Variants in CARD16 observed in about 807,000 individuals in gnomAD.
The protein encoded by CARD16 is caspase recruitment domain family member 16.
In CARD16, 8 loss-of-function variants were observed where a neutral mutation model predicts 11.9. The ratio of observed to expected loss-of-function variants is 0.67; its 90% CI spans 0.39 to 1.21. CARD16 has a LOEUF of 1.21. CARD16 is among the 50% of genes most tolerant of loss of function. The pLI is 0.01. For missense variants in CARD16, 131 were observed against 118.1 expected (o/e 1.11, Z -0.51); for synonymous variants, 44 against 43.8 (o/e 1.00, Z -0.02).
Position 105,041,711 on chromosome 11 carries a change from C to T in CARD16, c.*52G>A. 1 of 1,613,638 alleles carries T rather than the reference C, an allele frequency of 6.2e-7. No homozygotes were observed. The highest frequency in any genetic ancestry group is 8.5e-7 in the Non-Finnish European group (1 of 1,179,778). ...GGCATAGCTGGGTTGTCCTGCACTG[C>T]CTGAAGAGCTGCAAGAGACAAGGAA... On this transcript the variant is annotated 3_prime_UTR_variant, in exon 4 of 4. Coordinates refer to ENST00000673097, the MANE Select transcript of CARD16 (RefSeq NM_052889.4).
At chr11:105,041,837 A>G in intron 3 of CARD16, 118 bp from the exon 4 acceptor site, 1 of 957,900 alleles carries the variant, frequency 1.0e-6, no homozygotes, top group Non-Finnish European at 1.5e-6. Context: ...TAATCTAGTC[A>G]TTAACATAGT....
Position 105,044,609 on chromosome 11 carries a change from T to G in CARD16, c.57A>C (p.Glu19Asp), listed in dbSNP as rs771129452. The change falls in exon 2 of 4, where the codon GAA becomes GAC. Residue 19 changes from glutamate to aspartate, a missense_variant. Coordinates refer to ENST00000673097, the MANE Select transcript of CARD16 (RefSeq NM_052889.4). ...CATCCAGTAAGCCATTTATTGTACC[T>G]TCACCCATGGAATGGATAAACAGCT... The part of the protein sequence containing the change: ...KRKLFIHSMG[E>D]GTINGLLDEL... 6.2e-7 allele frequency: 1 copy of G among 1,614,092 alleles called. No individual in the cohort carries two copies. The highest frequency in any genetic ancestry group is 1.1e-5 in the South Asian group (1 of 91,084).
chr11:105,043,309 G>A (rs914822122), intron 3 of CARD16, among the ~76,000 whole-genome samples, 174 bp downstream of exon 3: 2 of 152,044 alleles, frequency 1.3e-5, no homozygotes, highest in Non-Finnish European at 2.9e-5. Flanking sequence ...GTATAAATAA[G>A]AGTAGTAAAG....
chr11:105,043,677 G>T, intron 2 of CARD16, 132 bp from the exon 3 acceptor site: 1 of 695,228 alleles, frequency 1.4e-6, no homozygotes, highest in African/African-American at 1.8e-5. Flanking sequence ...ATGTTCAAGT[G>T]CACCAAAACT....
chr11:105,043,399 C>A, intron 3 of CARD16, 84 bp downstream of exon 3: 1 of 900,118 alleles, frequency 1.1e-6, no homozygotes, highest in South Asian at 1.5e-5. Flanking sequence ...TCTCCATAGC[C>A]CCTTCAAGCA....
At chr11:105,045,195 A>G (rs970951036) in intron 1 of CARD16, 96 bp downstream of exon 1, 4 of 1,567,980 alleles carry the variant, frequency 2.6e-6, no homozygotes, top group African/African-American at 2.7e-5. Flanking sequence ...GCTCACCTAA[A>G]CTTCCACAGA....
intron 2 of CARD16, chr11:105,044,134 G>T: frequency 6.9e-6 from 4 of 578,238 alleles, no homozygotes; most frequent in Non-Finnish European, 1.2e-5. Flanking sequence ...AAGCTTTCTA[G>T]ATAGTTCTCA....
intron 2 of CARD16, 104 bp downstream of exon 2, chr11:105,044,288 A>C: frequency 1.3e-6 from 2 of 1,562,586 alleles, no homozygotes; most frequent in South Asian, 2.4e-5. Flanking sequence ...CCAAAGGCAG[A>C]GATAAGAAGA....
At position 105,041,635 on chromosome 11, in the gene CARD16, G is replaced by T. The variant is rs1428467708; in HGVS notation, c.*128C>A. 6.2e-7 allele frequency: 1 copy of T among 1,614,004 alleles called. No individual in the cohort carries two copies. The highest frequency in any genetic ancestry group is 1.7e-5 in the Admixed American group (1 of 59,986). Reference sequence around the variant, plus strand: ...CAACTTTTGTTTCCATATCCTTTGAGCGTCTTCTAGAAAGCAAAGCTTGAT... The same window carrying T: ...CAACTTTTGTTTCCATATCCTTTGATCGTCTTCTAGAAAGCAAAGCTTGAT... On this transcript the variant is annotated 3_prime_UTR_variant, in exon 4 of 4. Transcript: ENST00000673097.
rs1436981422 is a variant in CARD16, at chr11:105,043,486, G to C, written c.*40C>G. The C allele has an allele frequency of 1.9e-6, 3 of 1,603,262 alleles. No homozygotes were observed. The African/African-American group carries it at 4.0e-5, about 22-fold the overall frequency. The stretch of plus-strand genomic sequence containing the variant: ...CTTCATTGAAAAACAACATTACCTG[G>C]GAAGGAAGAAAATAGTAATTGGGAG... On this transcript the variant is annotated 3_prime_UTR_variant, in exon 3 of 4. Coordinates refer to ENST00000673097, the MANE Select transcript of CARD16 (RefSeq NM_052889.4).
In CARD16 at chr11:105,044,412, T is replaced by C. The variant is rs1126876; in HGVS notation, c.254A>G (p.Glu85Gly). Residue 85 changes from glutamate (E) to glycine (G), a missense_variant, in exon 2 of 4, where the codon GAG becomes GGG. Coordinates refer to ENST00000673097, the MANE Select transcript of CARD16 (RefSeq NM_052889.4). ...YICEEDSYLAETLGLSAGPIP... is the reference protein window; with the variant it reads ...YICEEDSYLAGTLGLSAGPIP... ...CTTACCTGCTGAGAGTCCCAGCGTC[T>C]CTGCCAGGTAACTGTCTTCTTCACA... 3.6e-4 allele frequency: 583 copies of C among 1,614,012 alleles called. 7 individuals are homozygous for C. The highest frequency in any genetic ancestry group is 2.9e-3 in the South Asian group (262 of 91,040).
intron 2 of CARD16, 91 bp from the exon 3 acceptor site, chr11:105,043,636 T>A: frequency 1.2e-6 from 1 of 841,350 alleles, no homozygotes; most frequent in South Asian, 1.4e-5. Flanking sequence ...TGCAAATTCC[T>A]CCCACAACCC....
At position 105,043,516 on chromosome 11, in the gene CARD16, G is replaced by C. The variant is rs199574838; in HGVS notation, c.*10C>G. 2.5e-6 allele frequency: 4 copies of C among 1,610,376 alleles called. No individual in the cohort carries two copies. Among genetic ancestry groups the C allele is most frequent in the Non-Finnish European group, 3.4e-6 (4 of 1,177,118 alleles). On this transcript the variant is annotated 3_prime_UTR_variant, in exon 3 of 4. Transcript: ENST00000673097. ...GAAGAAAATAGTAATTGGGAGTCTT[G>C]TGTACTAAGCTAATTTCCAGGTATC...
chr11:105,042,398 C>A (rs1864126664), intron 3 of CARD16, among the ~76,000 whole-genome samples: 1 of 151,944 alleles, frequency 6.6e-6, no homozygotes, highest in Admixed American at 6.6e-5. Flanking sequence ...GTGAGAAAAT[C>A]TTTGAGGCTT....
rs1433644498 is a variant in CARD16, at chr11:105,041,866, A to C, written c.*44-147T>G. On this transcript the variant is annotated intron_variant, in intron 3 of 3. Transcript: ENST00000673097. ...ACATAGTTGAGTGCGTTTGCTGCTA[A>C]TGGAGCACATTTCAAGCCAGAGATT... The C allele has an allele frequency of 4.2e-6, 3 of 720,530 alleles. No individual in the cohort carries two copies. The African/African-American group carries it at 5.4e-5, about 13-fold the overall frequency. 44.6% of individuals were successfully genotyped at this position (720,530 alleles called of 1,614,324 possible).
rs1864143542 is a variant in CARD16 at position 105,043,482 on chromosome 11, C to G, written c.*43+1G>C. ...TGCTCTTCATTGAAAAACAACATTA[C>G]CTGGGAAGGAAGAAAATAGTAATTG... On this transcript the variant is annotated splice_donor_variant, in intron 3 of 3. Transcript: ENST00000673097. LOFTEE classifies it low-confidence loss of function (3UTR_SPLICE). The G allele has an allele frequency of 3.7e-6, 6 of 1,600,578 alleles. No homozygotes were observed. Among genetic ancestry groups the G allele is most frequent in the Non-Finnish European group, 5.1e-6 (6 of 1,169,810 alleles).
intron 1 of CARD16, 21 bp downstream of exon 1, chr11:105,045,264 CTGTTCT>C (rs1864179889): frequency 6.2e-7 from 1 of 1,613,838 alleles, no homozygotes; most frequent in African/African-American, 1.3e-5. Context: ...TCCCAGGGAC[CTGTTCT>C]TGGAACAGTA....
chr11:105,044,572 T>C lies in CARD16; in HGVS notation c.94A>G (p.Thr32Ala). ...INGLLDELLQ[T>A]RVLNQEEMEK... ...ATCTCTTCCTGGTTCAGCACCCTTG[T>C]CTGTAATAATTCATCCAGTAAGCCA... The change falls in exon 2 of 4, where the codon ACA becomes GCA. Residue 32 changes from threonine (T) to alanine (A), a missense_variant. Coordinates refer to ENST00000673097, the MANE Select transcript of CARD16 (RefSeq NM_052889.4). The C allele has an allele frequency of 6.2e-7, 1 of 1,614,158 alleles. No individual in the cohort carries two copies. Among genetic ancestry groups the C allele is most frequent in the Non-Finnish European group, 8.5e-7 (1 of 1,179,996 alleles).
intron 3 of CARD16, among the ~76,000 whole-genome samples, chr11:105,043,231 T>G (rs539688565): frequency 6.6e-6 from 1 of 152,274 alleles, no homozygotes; most frequent in East Asian, 1.9e-4. Context: ...ATTTCAGTAG[T>G]CTTAAATGAT....
Sources: gnomAD v4.1 joint callset for allele counts (sites outside exome capture counted in the v4.1 genomes callset) on GRCh38, gnomAD v4.1.1 for gene constraint, MANE v1.5 for transcripts, NCBI Gene and HGNC (gene_info 2026-07-23, HGNC 2026-07-21) for gene names.